KLHL26: variants seen among roughly 807,000 people sequenced by gnomAD.
KLHL26 encodes the protein kelch like family member 26.
KLHL26 carries 4 observed loss-of-function variants against 7.1 expected under a neutral mutation model. The ratio of observed to expected loss-of-function variants is 0.56; its 90% CI spans 0.28 to 1.28. KLHL26 has a LOEUF of 1.28. Among genes scored for constraint, KLHL26 ranks in the 50% most tolerant of loss-of-function variants. The pLI is 0.11. For missense variants in KLHL26, 896 were observed against 924.6 expected, an observed-to-expected ratio of 0.97 and a Z score of 0.40; for synonymous variants, 465 against 414.1, an observed-to-expected ratio of 1.12 and a Z score of -1.49.
rs751924313 is a variant in KLHL26, at chr19:18,668,500, G to A, written c.1103G>A (p.Gly368Glu). The change falls in exon 3 of 3, where the codon GGG (glycine) becomes GAG (glutamate). Residue 368 changes from glycine (G) to glutamate (E), a missense_variant. Transcript: ENST00000300976. ...VLDNFVYVAG[G>E]QHLQYRSGEG... is the part of the protein sequence containing the mutation. Reference sequence around the variant, plus strand: ...GACAATTTTGTGTACGTGGCCGGGGGGCAGCACCTGCAGTACCGCAGCGGC... The same window carrying A: ...GACAATTTTGTGTACGTGGCCGGGGAGCAGCACCTGCAGTACCGCAGCGGC... The A allele has an allele frequency of 7.5e-6, 12 of 1,605,586 alleles. No homozygotes were observed. The East Asian group carries it at 2.5e-4, about 33-fold the overall frequency.
intron 1 of KLHL26, among the ~76,000 whole-genome samples, chr19:18,659,018 C>T (rs1295126683): frequency 1.3e-5 from 2 of 151,800 alleles, no homozygotes; most frequent in African/African-American, 4.8e-5. Context: ...TCTCTGCGTC[C>T]CTGTTCCCCT....
At position 18,667,727 on chromosome 19, in the gene KLHL26, G is replaced by A. The variant is rs750029526; in HGVS notation, c.330G>A (p.Ser110=). 3.1e-6 allele frequency: 5 copies of A among 1,613,180 alleles called. No homozygotes were observed. In the South Asian group the frequency reaches 3.3e-5, roughly 11 times the overall value. ...ACGTCATCGAGCTGAAGGGCGTGTC[G>A]GCCCGTGGCCTGCGGCACATCATCG... ...SQDVIELKGV[S]ARGLRHIIDF... Residue 110 remains serine, a synonymous_variant, in exon 3 of 3, where the codon TCG becomes TCA. Transcript: ENST00000300976.
rs991843945 is a variant in KLHL26 at position 18,656,809 on chromosome 19, G to T, written c.84-7452G>T. On this transcript the variant is annotated intron_variant, in intron 1 of 2. Transcript: ENST00000300976. The surrounding 1 kb of genome is among the most constrained non-coding windows in gnomAD (Gnocchi z 4.4). ...AGCACGCCTGCCCTCCCAGCACAGG[G>T]CGGGAGTGGCGGGTTCCTGTTTGAA... is the stretch of plus-strand genomic sequence containing the variant. Among the ~76,000 whole-genome samples, 15 of 152,096 alleles carry T rather than the reference G, an allele frequency of 9.9e-5. No homozygotes were observed. The highest frequency in any genetic ancestry group is 2.2e-4 in the Non-Finnish European group (15 of 67,960).
At position 18,650,235 on chromosome 19, in the gene KLHL26, G is replaced by T. The variant is rs1172872084; in HGVS notation, c.83+13098G>T. On this transcript the variant is annotated intron_variant, in intron 1 of 2. Transcript: ENST00000300976. This position sits in a 1 kb window ranked among gnomAD's most constrained non-coding sequence, Gnocchi z 4.2. Reference sequence around the variant, plus strand: ...ATCCGGAGAGTTCTGCTCTCCACGGGATGTTAGAATTTGAGGCAGTCTGCC... The same window carrying T: ...ATCCGGAGAGTTCTGCTCTCCACGGTATGTTAGAATTTGAGGCAGTCTGCC... 1.3e-5 allele frequency among the ~76,000 whole-genome samples: 2 copies of T among 152,222 alleles called. No individual in the cohort carries two copies. Among genetic ancestry groups the T allele is most frequent in the Non-Finnish European group, 2.9e-5 (2 of 68,038 alleles).
chr19:18,668,289 C>A lies in KLHL26; in HGVS notation c.892C>A (p.Gln298Lys), dbSNP rs1229930995. 4 of 1,611,730 alleles carry A rather than the reference C, an allele frequency of 2.5e-6. No individual in the cohort carries two copies. The South Asian group carries it at 4.4e-5, about 18-fold the overall frequency. Residue 298 changes from glutamine to lysine, a missense_variant, in exon 3 of 3, where the codon CAG becomes AAG. Transcript: ENST00000300976. ...QVLPFRQHEM[Q>K]SPRTAVRSDV... ...GCTGCCCTTCCGGCAGCACGAGATG[C>A]AGTCTCCGCGCACCGCCGTGCGCTC... is the stretch of plus-strand genomic sequence containing the variant.
chr19:18,667,628 C>A, intron 2 of KLHL26, 36 bp from the exon 3 acceptor site: 1 of 1,578,532 alleles, frequency 6.3e-7, no homozygotes, highest in Non-Finnish European at 8.6e-7. Flanking sequence ...CACCCCTCAG[C>A]CACTGCCAGC....
rs907506239 is a variant in KLHL26, at chr19:18,649,067, C to T, written c.83+11930C>T. 6.6e-6 allele frequency among the ~76,000 whole-genome samples: 1 copy of T among 152,220 alleles called. No individual in the cohort carries two copies. The highest frequency in any genetic ancestry group is 1.5e-5 in the Non-Finnish European group (1 of 68,036). On this transcript the variant is annotated intron_variant, in intron 1 of 2. Transcript: ENST00000300976. This position sits in a 1 kb window ranked among gnomAD's most constrained non-coding sequence, Gnocchi z 4.0. ...GACGGCTCTGCTGGGCTCTGAAGCA[C>T]GCTCACTGGAATGTCCTGTCCCAGT...
At chr19:18,662,469 T>G (rs144493112) in intron 1 of KLHL26, among the ~76,000 whole-genome samples, 1 of 152,270 alleles carries the variant, frequency 6.6e-6, no homozygotes, top group Non-Finnish European at 1.5e-5. Context: ...CTACTTCGTC[T>G]CATTTACGCA....
chr19:18,651,123 A>G (rs1001379210), intron 1 of KLHL26, among the ~76,000 whole-genome samples: 1 of 152,168 alleles, frequency 6.6e-6, no homozygotes, highest in Non-Finnish European at 1.5e-5. Flanking sequence ...ACCCGGTTTT[A>G]GGTACGTTGG....
rs183370862 is a variant in KLHL26, at chr19:18,648,767, C to T, written c.83+11630C>T. ...AGGCCTCAGTCTGGCTGCAGCTGCC[C>T]AGGAGGTCCTCAGGTAGCATCTCTT... is the stretch of plus-strand genomic sequence containing the variant. On this transcript the variant is annotated intron_variant, in intron 1 of 2. Coordinates refer to ENST00000300976, the MANE Select transcript of KLHL26 (RefSeq NM_018316.3). The surrounding 1 kb of genome is among the most constrained non-coding windows in gnomAD (Gnocchi z 4.9). Among the ~76,000 whole-genome samples the T allele has an allele frequency of 2.5e-3, 382 of 152,178 alleles. No homozygotes were observed. Among genetic ancestry groups the T allele is most frequent in the Non-Finnish European group, 3.3e-3 (227 of 67,972 alleles).
intron 2 of KLHL26, among the ~76,000 whole-genome samples, chr19:18,666,300 C>A (rs1279623583): frequency 6.6e-6 from 1 of 151,938 alleles, no homozygotes; most frequent in Admixed American, 6.6e-5. Flanking sequence ...GAGCCTGGCT[C>A]ACAGGAGGTG....
intron 1 of KLHL26, among the ~76,000 whole-genome samples, chr19:18,653,159 A>G (rs1568457996): frequency 6.6e-6 from 1 of 152,010 alleles, no homozygotes; most frequent in Non-Finnish European, 1.5e-5. Context: ...ATGCATGTGG[A>G]GCTAAACAGC....
chr19:18,666,160 G>A (rs931988074), intron 2 of KLHL26, among the ~76,000 whole-genome samples: 1 of 152,214 alleles, frequency 6.6e-6, no homozygotes, highest in African/African-American at 2.4e-5. Flanking sequence ...GCGGGGCAGG[G>A]TCTGGGGAGC....
In KLHL26 at chr19:18,668,024, G is replaced by A; in HGVS notation, c.627G>A (p.Leu209=). The change falls in exon 3 of 3, where the codon CTG becomes CTA. Residue 209 remains leucine, a synonymous_variant. Transcript: ENST00000300976. The part of the protein sequence containing the change: ...EDFLRLPLER[L]VFFLQSNRLQ... Reference sequence around the variant, plus strand: ...TCCTGCGCCTGCCACTGGAGCGCCTGGTCTTCTTCCTGCAGAGCAACCGGC... The same window carrying A: ...TCCTGCGCCTGCCACTGGAGCGCCTAGTCTTCTTCCTGCAGAGCAACCGGC... 6.2e-7 allele frequency: 1 copy of A among 1,609,070 alleles called. No individual in the cohort carries two copies. The highest frequency in any genetic ancestry group is 8.5e-7 in the Non-Finnish European group (1 of 1,179,960).
intron 2 of KLHL26, among the ~76,000 whole-genome samples, chr19:18,667,203 C>G (rs2052456933): frequency 6.6e-6 from 1 of 151,882 alleles, no homozygotes; most frequent in African/African-American, 2.4e-5. Context: ...TCTTATTGTC[C>G]AGGCTGCAGT....
chr19:18,667,521 T>G (rs1364395515), intron 2 of KLHL26, 143 bp from the exon 3 acceptor site: 35 of 1,393,508 alleles, frequency 2.5e-5, no homozygotes, highest in Non-Finnish European at 3.2e-5. Context: ...ATGTTTTTAA[T>G]GAGCATTCCG....
intron 1 of KLHL26, among the ~76,000 whole-genome samples, chr19:18,645,678 G>T (rs112071294): frequency 6.6e-6 from 1 of 151,890 alleles, no homozygotes; most frequent in Non-Finnish European, 1.5e-5. Context: ...CAGGTGTGGT[G>T]GTGGGCGTCT....
intron 1 of KLHL26, among the ~76,000 whole-genome samples, chr19:18,642,716 T>A (rs1976736563): frequency 6.6e-6 from 1 of 151,848 alleles, no homozygotes; most frequent in Non-Finnish European, 1.5e-5. Context: ...TCTCACTCTG[T>A]CGCCCATGCT....
intron 1 of KLHL26, among the ~76,000 whole-genome samples, chr19:18,640,551 A>ATTTTT (rs56247740): frequency 1.4e-4 from 14 of 96,622 alleles, no homozygotes; most frequent in Admixed American, 2.4e-4. Flanking sequence ...CTATGTTTTA[A>ATTTTT]TTTTTTTTTT....
Sources: allele counts gnomAD v4.1 joint callset (sites outside exome capture counted in the v4.1 genomes callset), GRCh38; gene constraint gnomAD v4.1.1; non-coding constraint Gnocchi (gnomAD v3.1); transcripts MANE v1.5; gene names NCBI Gene and HGNC (gene_info 2026-07-23, HGNC 2026-07-21).